The following CTNNBL1 variants were observed in gnomAD, a reference collection of about 807,000 sequenced individuals.
The protein encoded by CTNNBL1 is beta-catenin-like protein 1.
Under a neutral mutation model 72.7 loss-of-function variants are expected in CTNNBL1, and 31 were observed. The observed-to-expected ratio is 0.43, with a 90% CI of 0.32 to 0.58. The LOEUF (loss-of-function observed/expected upper bound fraction) is 0.58. Among genes scored for constraint, CTNNBL1 ranks in the 20% least tolerant of loss-of-function variants. The probability of loss-of-function intolerance (pLI) is 0.08; values close to 1 mark genes in which losing one functional copy is unlikely to be tolerated. For synonymous variants in CTNNBL1, 240 were observed against 267.3 expected, an observed-to-expected ratio of 0.90 and a Z score of 1.00; for missense variants, 534 against 725.1, an observed-to-expected ratio of 0.74 and a Z score of 3.03.
At chr20:37,701,437 A>G (rs1167305110) in intron 1 of CTNNBL1, among the ~76,000 whole-genome samples, 24 of 152,236 alleles carry the variant, frequency 1.6e-4, no homozygotes, top group Admixed American at 1.6e-3. Flanking sequence ...GACCATGGAC[A>G]TTAAAGAAGA....
intron 11 of CTNNBL1, among the ~76,000 whole-genome samples, chr20:37,822,944 T>G (rs1341746015): frequency 1.3e-5 from 2 of 152,254 alleles, no homozygotes; most frequent in African/African-American, 4.8e-5. Flanking sequence ...GTTCTTTATT[T>G]GTACAATTCT....
At chr20:37,703,126 A>T (rs76584526) in intron 1 of CTNNBL1, among the ~76,000 whole-genome samples, 1 of 152,318 alleles carries the variant, frequency 6.6e-6, no homozygotes, top group Non-Finnish European at 1.5e-5. Context: ...AACTTAGAAA[A>T]AATTATAAAA....
intron 1 of CTNNBL1, among the ~76,000 whole-genome samples, chr20:37,707,411 C>T (rs2072895706): frequency 6.6e-6 from 1 of 152,242 alleles, no homozygotes; most frequent in African/African-American, 2.4e-5. Context: ...ATCAGCACTT[C>T]TGGGTTCACC....
rs1239080765 is a variant in CTNNBL1, at chr20:37,777,355, C to T, written c.761C>T (p.Pro254Leu). The change falls in exon 8 of 16, where the codon CCT becomes CTT. Residue 254 changes from proline to leucine, a missense_variant. Physicochemically the swap from Pro to Leu is moderately conservative, Grantham distance 98 (BLOSUM62 -3). Transcript: ENST00000361383. ...WLLKRLKAKMPFDANKLYCSE... is the reference protein window; with the variant it reads ...WLLKRLKAKMLFDANKLYCSE... ...CCTATTTCCCCATAGGCAAAGATGC[C>T]TTTTGATGCCAACAAACTGTATTGC... 2 of 1,613,656 alleles carry T rather than the reference C, an allele frequency of 1.2e-6. No homozygotes were observed. The highest frequency in any genetic ancestry group is 1.3e-5 in the African/African-American group (1 of 74,910).
intron 15 of CTNNBL1, among the ~76,000 whole-genome samples, chr20:37,870,161 CT>C (rs2072570996): frequency 6.6e-6 from 1 of 152,126 alleles, no homozygotes; most frequent in Non-Finnish European, 1.5e-5. Context: ...ATGGCATCCT[CT>C]GCTGATCTGT....
chr20:37,803,444 A>G (rs1286461454), intron 11 of CTNNBL1, among the ~76,000 whole-genome samples: 5 of 152,166 alleles, frequency 3.3e-5, no homozygotes, highest in Admixed American at 3.3e-4. Context: ...GATTCAGCCA[A>G]CATCAGGAAT....
chr20:37,751,411 G>C (rs921457066), intron 4 of CTNNBL1: 2 of 152,150 alleles, frequency 1.3e-5, no homozygotes, highest in East Asian at 3.9e-4. Flanking sequence ...GCTCTTTTTG[G>C]TGTGGAATAA....
chr20:37,870,200 C>T (rs567165581), intron 15 of CTNNBL1, among the ~76,000 whole-genome samples: 1 of 152,144 alleles, frequency 6.6e-6, no homozygotes, highest in Non-Finnish European at 1.5e-5. Context: ...GAGCCTCACC[C>T]TCCTCAGGAA....
rs374610622 is a variant in CTNNBL1, at chr20:37,767,996, A to G, written c.702A>G (p.Thr234=). 2 of 1,613,932 alleles carry G rather than the reference A, an allele frequency of 1.2e-6. No individual in the cohort carries two copies. Among genetic ancestry groups the G allele is most frequent in the African/African-American group, 2.7e-5 (2 of 74,894 alleles). ...NMAEFRPEMC[T]EGAQQGLLQW... ...CTGAGTTCCGGCCTGAGATGTGTACAGAGGGTGCCCAGCAGGGTCTTCTAC... is the reference window on the plus strand; with the variant it reads ...CTGAGTTCCGGCCTGAGATGTGTACGGAGGGTGCCCAGCAGGGTCTTCTAC... Residue 234 remains threonine (T), a synonymous_variant, in exon 7 of 16, where the codon ACA becomes ACG. Coordinates refer to ENST00000361383, the MANE Select transcript of CTNNBL1 (RefSeq NM_030877.5).
intron 10 of CTNNBL1, among the ~76,000 whole-genome samples, chr20:37,796,604 G>A (rs949277263): frequency 1.3e-5 from 2 of 151,998 alleles, no homozygotes; most frequent in Non-Finnish European, 2.9e-5. Context: ...CAATTAACTT[G>A]TATATTGATC....
intron 11 of CTNNBL1, 37 bp from the exon 12 acceptor site, chr20:37,840,065 G>C (rs759117525): frequency 6.7e-7 from 1 of 1,492,586 alleles, no homozygotes; most frequent in South Asian, 1.1e-5. Flanking sequence ...TTACTGCTCT[G>C]ATCTCAGCAT....
chr20:37,752,591 T>C (rs961617307), intron 4 of CTNNBL1, among the ~76,000 whole-genome samples: 1 of 151,350 alleles, frequency 6.6e-6, no homozygotes, highest in Non-Finnish European at 1.5e-5. Context: ...CCTTGTGGAG[T>C]CATCTCATTG....
intron 1 of CTNNBL1, among the ~76,000 whole-genome samples, chr20:37,728,414 T>C (rs895600251): frequency 1.3e-5 from 2 of 152,244 alleles, no homozygotes; most frequent in Admixed American, 6.5e-5. Flanking sequence ...TATATTTCAA[T>C]TGAACACTGT....
chr20:37,862,263 C>A (rs544656820), intron 15 of CTNNBL1, among the ~76,000 whole-genome samples: 1 of 152,202 alleles, frequency 6.6e-6, no homozygotes, highest in South Asian at 2.1e-4. Flanking sequence ...GCAACTCCAG[C>A]CTTTAAATGG....
chr20:37,725,591 G>A (rs560555397), intron 1 of CTNNBL1, among the ~76,000 whole-genome samples: 420 of 874 alleles, frequency 0.48, 6 homozygotes, highest in Admixed American at 0.5. Context: ...GAGCCACTGC[G>A]CCCAGCCGCC....
intron 11 of CTNNBL1, among the ~76,000 whole-genome samples, chr20:37,830,828 A>G (rs1600515126): frequency 6.6e-6 from 1 of 152,342 alleles, no homozygotes; most frequent in East Asian, 1.9e-4. Context: ...TTTTTTTAAA[A>G]AAGTGTTGAC....
At chr20:37,818,358 C>T (rs777310253) in intron 11 of CTNNBL1, among the ~76,000 whole-genome samples, 3 of 152,172 alleles carry the variant, frequency 2.0e-5, no homozygotes, top group African/African-American at 4.8e-5. Flanking sequence ...GGGAGATCCT[C>T]CAGTCTCCCT....
chr20:37,864,267 T>C (rs1238592450), intron 15 of CTNNBL1, among the ~76,000 whole-genome samples: 1 of 145,420 alleles, frequency 6.9e-6, no homozygotes, highest in African/African-American at 2.6e-5. Context: ...CTCATCAGTC[T>C]GTCCTCTTTG....
intron 7 of CTNNBL1, among the ~76,000 whole-genome samples, chr20:37,768,935 C>A (rs771073109): frequency 6.6e-6 from 1 of 152,022 alleles, no homozygotes; most frequent in Admixed American, 6.6e-5. Context: ...TGCGCCACCA[C>A]GCCTGGCTAA....
Sources: gnomAD v4.1 joint callset for allele counts (sites outside exome capture counted in the v4.1 genomes callset) on GRCh38, gnomAD v4.1.1 for gene constraint, MANE v1.5 for transcripts, NCBI Gene and HGNC (gene_info 2026-07-23, HGNC 2026-07-21) for gene names.